Variants in NOL10 observed in about 807,000 individuals in gnomAD.
NOL10 encodes the protein H_NH0074G24.1.
NOL10 carries 58 observed loss-of-function variants against 103.5 expected under a neutral mutation model. The observed-to-expected ratio is 0.56, with a 90% CI of 0.45 to 0.70. The LOEUF (loss-of-function observed/expected upper bound fraction) is 0.70. Among genes scored for constraint, NOL10 ranks in the 30% least tolerant of loss-of-function variants. The pLI is 0.00. For missense variants in NOL10, 763 were observed against 807.3 expected (o/e 0.95, Z 0.67); for synonymous variants, 287 against 282.5 (o/e 1.02, Z -0.16).
chr2:10,611,314 C>T (rs919317105), intron 13 of NOL10, among the ~76,000 whole-genome samples: 6 of 152,178 alleles, frequency 3.9e-5, no homozygotes, highest in Non-Finnish European at 7.3e-5. Context: ...TCTGCTTGTG[C>T]CAATCTACTT....
chr2:10,593,397 A>G (rs1193404311), intron 17 of NOL10, among the ~76,000 whole-genome samples: 2 of 152,236 alleles, frequency 1.3e-5, no homozygotes, highest in South Asian at 2.1e-4. Flanking sequence ...TCGGCCTTCC[A>G]AAGTGCTGGG....
intron 1 of NOL10, among the ~76,000 whole-genome samples, chr2:10,685,643 T>C (rs980346567): frequency 2.0e-5 from 3 of 152,102 alleles, no homozygotes; most frequent in Admixed American, 2.0e-4. Context: ...ATAAAAATCG[T>C]AGCCCCAAGT....
At chr2:10,613,209 T>C (rs1045170659) in intron 13 of NOL10, among the ~76,000 whole-genome samples, 1 of 152,202 alleles carries the variant, frequency 6.6e-6, no homozygotes, top group Non-Finnish European at 1.5e-5. Context: ...GTATACCCTA[T>C]AAAAATAGTA....
intron 2 of NOL10, among the ~76,000 whole-genome samples, chr2:10,683,076 C>T (rs116286332): frequency 0.011 from 1,631 of 152,250 alleles, 21 homozygotes; most frequent in African/African-American, 0.036. Context: ...AGCCACTGTG[C>T]CTGACCCAAC....
intron 13 of NOL10, among the ~76,000 whole-genome samples, chr2:10,628,168 G>C (rs1677603828): frequency 1.3e-5 from 2 of 151,972 alleles, no homozygotes; most frequent in Non-Finnish European, 1.5e-5. Flanking sequence ...TCTTTTCCTA[G>C]ATCCTAAAAT....
chr2:10,646,797 G>A (rs905196011), intron 12 of NOL10, among the ~76,000 whole-genome samples: 3 of 152,118 alleles, frequency 2.0e-5, no homozygotes, highest in Non-Finnish European at 4.4e-5. Context: ...ATGGGACTCT[G>A]ACACTTCATC....
intron 13 of NOL10, among the ~76,000 whole-genome samples, chr2:10,637,468 G>A (rs1200904507): frequency 6.6e-6 from 1 of 152,184 alleles, no homozygotes; most frequent in Non-Finnish European, 1.5e-5. Flanking sequence ...AGGTGCAGGA[G>A]CACAGATGTC....
chr2:10,678,438 A>G (rs1398624200), intron 3 of NOL10, among the ~76,000 whole-genome samples: 2 of 146,028 alleles, frequency 1.4e-5, no homozygotes, highest in Non-Finnish European at 3.1e-5. Context: ...AAAAAAAAAC[A>G]CTAATAAAAG....
intron 17 of NOL10, among the ~76,000 whole-genome samples, chr2:10,595,517 G>T (rs1410864198): frequency 6.6e-6 from 1 of 152,016 alleles, no homozygotes; most frequent in Admixed American, 6.6e-5. Flanking sequence ...GGCTGGTCTT[G>T]AACTCCTGGG....
chr2:10,599,572 T>C (rs1364816569), intron 17 of NOL10, among the ~76,000 whole-genome samples: 1 of 152,232 alleles, frequency 6.6e-6, no homozygotes, highest in African/African-American at 2.4e-5. Context: ...TGAGGAATTA[T>C]TTCAACATTG....
intron 13 of NOL10, among the ~76,000 whole-genome samples, chr2:10,642,874 TG>T (rs1678804536): frequency 6.6e-6 from 1 of 152,102 alleles, no homozygotes; most frequent in African/African-American, 2.4e-5. Flanking sequence ...CACAGTACCC[TG>T]GTAGCACTCC....
intron 11 of NOL10, among the ~76,000 whole-genome samples, chr2:10,656,594 G>C (rs1226448575): frequency 6.6e-6 from 1 of 152,212 alleles, no homozygotes; most frequent in African/African-American, 2.4e-5. Context: ...AAAAACCAAA[G>C]TAACAGCCCA....
At chr2:10,575,563 T>A (rs1417053682) in intron 20 of NOL10, among the ~76,000 whole-genome samples, 1 of 152,212 alleles carries the variant, frequency 6.6e-6, no homozygotes, top group Non-Finnish European at 1.5e-5. Context: ...TTCTTAATAC[T>A]TTTTTTATAA....
At chr2:10,575,911 G>C (rs745937019) in intron 20 of NOL10, among the ~76,000 whole-genome samples, 3 of 152,198 alleles carry the variant, frequency 2.0e-5, no homozygotes, top group Non-Finnish European at 2.9e-5. Flanking sequence ...TTTGGCTTAC[G>C]TAAGTGATAA....
intron 8 of NOL10, among the ~76,000 whole-genome samples, chr2:10,663,518 T>C (rs531037545): frequency 3.1e-4 from 47 of 152,310 alleles, no homozygotes; most frequent in African/African-American, 9.6e-4. Flanking sequence ...GCAACTTATT[T>C]TCAAAAGGTT....
rs1160849616 is a variant in NOL10 at position 10,587,076 on chromosome 2, T to TAC, written c.1844+1965_1844+1966dup. On this transcript the variant is annotated intron_variant, in intron 19 of 20. Transcript: ENST00000381685. The stretch of plus-strand genomic sequence containing the variant: ...ATATACATATATATATACATATATA[T>TAC]ACATATATATACATATATATACACA... Among the ~76,000 whole-genome samples the TAC allele has an allele frequency of 1.8e-4, 10 of 55,108 alleles. 1 individual carries two copies. The highest frequency in any genetic ancestry group is 3.7e-4 in the South Asian group (1 of 2,734). The allele number at this position is 55,108 out of a possible 152,430, so 36.2% of individuals were successfully genotyped here.
At chr2:10,684,459 CAT>C (rs1455862896) in intron 2 of NOL10, 106 bp downstream of exon 2, 3 of 857,146 alleles carry the variant, frequency 3.5e-6, no homozygotes, top group South Asian at 1.7e-5. Context: ...TTTTCCACTA[CAT>C]GTTACCGCAT....
chr2:10,641,451 A>T (rs544185998), intron 13 of NOL10, among the ~76,000 whole-genome samples: 12 of 152,342 alleles, frequency 7.9e-5, no homozygotes, highest in African/African-American at 2.6e-4. Flanking sequence ...AGTATTATCA[A>T]GAGGGAATAG....
chr2:10,645,965 A>ACACC (rs1553308344), intron 12 of NOL10, among the ~76,000 whole-genome samples: 3 of 150,542 alleles, frequency 2.0e-5, no homozygotes, highest in Admixed American at 2.0e-4. Flanking sequence ...ACACACACAC[A>ACACC]CACCCCGTAA....
Sources: gnomAD v4.1 joint callset for allele counts (sites outside exome capture counted in the v4.1 genomes callset) on GRCh38, gnomAD v4.1.1 for gene constraint, MANE v1.5 for transcripts, NCBI Gene and HGNC (gene_info 2026-07-23, HGNC 2026-07-21) for gene names.